Variants in ANO4 observed in about 807,000 individuals in gnomAD.
ANO4 encodes the protein anoctamin-4.
In ANO4, 69 loss-of-function variants were observed where a neutral mutation model predicts 141.9. That is an observed-to-expected ratio of 0.49 (90% CI 0.40 to 0.59). The LOEUF is 0.59. Ranked by LOEUF, ANO4 falls within the 20% of genes least tolerant of loss-of-function variation. ANO4 has a pLI of 0.00. For missense variants in ANO4, 894 were observed against 1,162.2 expected, an observed-to-expected ratio of 0.77 and a Z score of 3.36; for synonymous variants, 350 against 394.3, an observed-to-expected ratio of 0.89 and a Z score of 1.33.
chr12:100,883,345 G>T (rs1030749069), intron 1 of ANO4, among the ~76,000 whole-genome samples: 1 of 152,192 alleles, frequency 6.6e-6, no homozygotes, highest in Non-Finnish European at 1.5e-5. Flanking sequence ...TAAGGTCTCT[G>T]TCATGACTGT....
chr12:101,013,501 G>C (rs1010556264), intron 8 of ANO4, among the ~76,000 whole-genome samples: 5 of 152,124 alleles, frequency 3.3e-5, no homozygotes, highest in African/African-American at 9.7e-5. Flanking sequence ...CTACTCTCCT[G>C]CTTATTGTAA....
intron 24 of ANO4, among the ~76,000 whole-genome samples, chr12:101,115,010 A>T (rs1301391784): frequency 6.6e-6 from 1 of 152,116 alleles, no homozygotes; most frequent in East Asian, 1.9e-4. Flanking sequence ...TGCAGAACCC[A>T]TGTGTTCTCA....
intron 1 of ANO4, among the ~76,000 whole-genome samples, chr12:100,732,099 C>A (rs2136809121): frequency 6.6e-6 from 1 of 152,228 alleles, no homozygotes; most frequent in African/African-American, 2.4e-5. Context: ...CAGTAAATAC[C>A]AAATACCAAG....
At chr12:100,788,966 C>T (rs1465794429) in intron 3 of ANO4, among the ~76,000 whole-genome samples, 1 of 151,688 alleles carries the variant, frequency 6.6e-6, no homozygotes, top group Non-Finnish European at 1.5e-5. Context: ...AAAGGGGTTC[C>T]AAGCAAAAGA....
intron 5 of ANO4, among the ~76,000 whole-genome samples, chr12:100,964,138 C>CA (rs952727848): frequency 5.9e-5 from 9 of 151,278 alleles, no homozygotes; most frequent in African/African-American, 1.2e-4. Context: ...AGCATTCCTT[C>CA]AAAAAAAAAT....
Position 101,096,525 on chromosome 12 carries a change from T to A in ANO4, c.1739-11T>A. 6.2e-7 allele frequency: 1 copy of A among 1,605,642 alleles called. No homozygotes were observed. Among genetic ancestry groups the A allele is most frequent in the Non-Finnish European group, 8.5e-7 (1 of 1,172,680 alleles). On this transcript the variant is annotated splice_polypyrimidine_tract_variant and intron_variant, in intron 18 of 27. Transcript: ENST00000392977. ...TCAGCCTTTCAAACTCTGCTCACCTTTTGTCCACAGAACAGCCTCGCACAG... is the reference window on the plus strand; with the variant it reads ...TCAGCCTTTCAAACTCTGCTCACCTATTGTCCACAGAACAGCCTCGCACAG...
intron 1 of ANO4, among the ~76,000 whole-genome samples, chr12:100,842,951 G>A (rs12301818): frequency 1.2e-4 from 19 of 152,264 alleles, no homozygotes; most frequent in African/African-American, 3.8e-4. Flanking sequence ...TTGTGTCTTA[G>A]TTCATCCTTT....
chr12:101,022,041 CAAAA>C (rs34942464), intron 9 of ANO4, among the ~76,000 whole-genome samples: 1 of 76,112 alleles, frequency 1.3e-5, no homozygotes, highest in African/African-American at 4.1e-5. Context: ...ATGACTCTGC[CAAAA>C]AAAAAAAAAA....
intron 1 of ANO4, among the ~76,000 whole-genome samples, chr12:100,851,578 G>A (rs1176648673): frequency 6.6e-6 from 1 of 151,906 alleles, no homozygotes; most frequent in Admixed American, 6.6e-5. Flanking sequence ...TTTTGTGTTG[G>A]GAAATCCTTT....
chr12:101,062,568 C>T (rs141221379), intron 14 of ANO4, among the ~76,000 whole-genome samples: 2,500 of 152,334 alleles, frequency 0.016, 89 homozygotes, highest in African/African-American at 0.057. Context: ...GCCTTTCTTT[C>T]AGGGATGCCC....
chr12:101,100,692 T>G (rs1312508184), intron 22 of ANO4, among the ~76,000 whole-genome samples: 1 of 152,210 alleles, frequency 6.6e-6, no homozygotes, highest in African/African-American at 2.4e-5. Context: ...CTCCAAATCC[T>G]GAAGTATCTT....
At chr12:100,958,099 T>C (rs2043248305) in intron 5 of ANO4, among the ~76,000 whole-genome samples, 2 of 152,240 alleles carry the variant, frequency 1.3e-5, no homozygotes, top group Admixed American at 6.5e-5. Context: ...ACCTGAATTC[T>C]CTCACTCCTT....
intron 1 of ANO4, among the ~76,000 whole-genome samples, chr12:100,815,057 G>C (rs1405245239): frequency 6.6e-6 from 1 of 152,050 alleles, no homozygotes. Context: ...GGGAATGGGG[G>C]AGAAACAGAG....
intron 3 of ANO4, among the ~76,000 whole-genome samples, chr12:100,773,649 G>A (rs1226492185): frequency 1.3e-5 from 2 of 152,170 alleles, no homozygotes; most frequent in East Asian, 3.9e-4. Context: ...AGTATACAGA[G>A]GGAACTGCCT....
chr12:100,906,690 A>G (rs2040858187), intron 2 of ANO4, among the ~76,000 whole-genome samples: 1 of 152,198 alleles, frequency 6.6e-6, no homozygotes, highest in Non-Finnish European at 1.5e-5. Flanking sequence ...ATAAGGGAAC[A>G]TGATCTGGCA....
At chr12:100,886,252 C>T (rs972354520) in intron 1 of ANO4, among the ~76,000 whole-genome samples, 3 of 145,806 alleles carry the variant, frequency 2.1e-5, no homozygotes, top group Admixed American at 2.0e-4. Flanking sequence ...CCACCTTGCT[C>T]CAGCATCTTA....
intron 1 of ANO4, among the ~76,000 whole-genome samples, chr12:100,899,992 A>G (rs570462515): frequency 6.6e-6 from 1 of 152,310 alleles, no homozygotes. Context: ...CTCTGATTCC[A>G]ATACTTAAGA....
At chr12:100,729,053 A>G (rs2031261951) in intron 1 of ANO4, among the ~76,000 whole-genome samples, 1 of 151,826 alleles carries the variant, frequency 6.6e-6, no homozygotes, top group South Asian at 2.1e-4. Flanking sequence ...TTTTCTTTAT[A>G]GTTTTACCAT....
chr12:101,063,103 GCA>G (rs1358910041), intron 14 of ANO4, among the ~76,000 whole-genome samples: 1 of 152,200 alleles, frequency 6.6e-6, no homozygotes, highest in East Asian at 1.9e-4. Flanking sequence ...ATTCCTCACA[GCA>G]CAGTCCCTCA....
Sources: allele counts gnomAD v4.1 joint callset (sites outside exome capture counted in the v4.1 genomes callset), GRCh38; gene constraint gnomAD v4.1.1; transcripts MANE v1.5; gene names NCBI Gene and HGNC (gene_info 2026-07-23, HGNC 2026-07-21).